Variants in HOXA10 observed in about 807,000 individuals in gnomAD.
The protein encoded by HOXA10 is homeobox protein Hox-A10.
Under a neutral mutation model 29.7 loss-of-function variants are expected in HOXA10, and 12 were observed. That is an observed-to-expected ratio of 0.40 (90% CI 0.26 to 0.65). The LOEUF (loss-of-function observed/expected upper bound fraction) is 0.65, where lower values mean the gene tolerates loss of function less well. Ranked by LOEUF, HOXA10 falls within the 30% of genes least tolerant of loss-of-function variation. HOXA10 has a pLI of 0.37. For synonymous variants in HOXA10, 327 were observed against 280.7 expected (o/e 1.16, Z -1.65); for missense variants, 656 against 585.9 (o/e 1.12, Z -1.24).
rs1783573012 is a variant in HOXA10 at position 27,173,636 on chromosome 7, T to A, written c.671A>T (p.Lys224Met). The A allele has an allele frequency of 6.5e-7, 1 of 1,544,596 alleles. No individual in the cohort carries two copies. The part of the protein sequence containing the change: ...FRLSQAYGTA[K>M]GYGSGGGGAQ... ...GCCGCCGCCGCCGCTGCCATAGCCCTTGGCGGTGCCGTAGGCCTGAGAAAG... is the reference window on the plus strand; with the variant it reads ...GCCGCCGCCGCCGCTGCCATAGCCCATGGCGGTGCCGTAGGCCTGAGAAAG... The change falls in exon 1 of 2, where the codon AAG becomes ATG. Residue 224 changes from lysine (K) to methionine (M), a missense_variant. This residue lies in a region of HOXA10 where 594 missense variants were observed against 491.9 expected (regional missense o/e 1.21). Coordinates refer to ENST00000283921, the MANE Select transcript of HOXA10 (RefSeq NM_018951.4).
chr7:27,178,613 G>A (rs1354876979), upstream of HOXA10, among the ~76,000 whole-genome samples: 3 of 152,216 alleles, frequency 2.0e-5, no homozygotes, highest in African/African-American at 2.4e-5. Flanking sequence ...CTGGGTGGGC[G>A]CTCATTTCTT....
chr7:27,178,606 G>A (rs1051487410), upstream of HOXA10, among the ~76,000 whole-genome samples: 3 of 152,202 alleles, frequency 2.0e-5, no homozygotes, highest in African/African-American at 7.2e-5. Flanking sequence ...CAGCTCACTG[G>A]GTGGGCGCTC....
upstream of HOXA10, among the ~76,000 whole-genome samples, chr7:27,177,165 C>T (rs971952656): frequency 3.9e-5 from 6 of 152,294 alleles, no homozygotes; most frequent in Admixed American, 1.3e-4. Context: ...CTGCCCCAGC[C>T]GAAGAGTAGA....
At chr7:27,172,624 G>T (rs567165241) in intron 1 of HOXA10, 25 of 211,012 alleles carry the variant, frequency 1.2e-4, no homozygotes, top group African/African-American at 5.9e-4. Context: ...CCCAAGACTC[G>T]ATAAGGGGAG....
chr7:27,172,415 T>C, intron 1 of HOXA10: 1 of 582,530 alleles, frequency 1.7e-6, no homozygotes, highest in South Asian at 2.0e-5. Context: ...TCCAAACACC[T>C]GTTTTAGCGC....
upstream of HOXA10, among the ~76,000 whole-genome samples, chr7:27,178,209 T>C (rs1270281737): frequency 1.3e-5 from 2 of 152,068 alleles, no homozygotes; most frequent in Non-Finnish European, 2.9e-5. Context: ...AGAGGAAAAA[T>C]AAAGGCTGCT....
chr7:27,179,503 A>G, intron 1 of HOXA10: 1 of 671,928 alleles, frequency 1.5e-6, no homozygotes, highest in Admixed American at 2.3e-5. Flanking sequence ...CCTGCTTTCC[A>G]ACCTTAGGGA....
At position 27,174,102 on chromosome 7, in the gene HOXA10, C is replaced by T. The variant is rs556571937; in HGVS notation, c.205G>A (p.Ala69Thr). 14 of 1,570,358 alleles carry T rather than the reference C, an allele frequency of 8.9e-6. No individual in the cohort carries two copies. In the South Asian group the frequency reaches 1.1e-4, roughly 13 times the overall value. ...AHGGVYLPPA[A>T]DLPYGLQSCG... ...CTCTGCAGCCCGTAGGGCAGGTCGGCGGCGGGCGGCAGGTAGACCCCGCCG... is the reference window on the plus strand; with the variant it reads ...CTCTGCAGCCCGTAGGGCAGGTCGGTGGCGGGCGGCAGGTAGACCCCGCCG... The change falls in exon 1 of 2, where the codon GCC becomes ACC. Residue 69 changes from alanine (A) to threonine (T), a missense_variant. This residue lies in a region of HOXA10 where 594 missense variants were observed against 491.9 expected (regional missense o/e 1.21). Transcript: ENST00000283921.
In HOXA10 at chr7:27,174,134, T is replaced by C; in HGVS notation, c.173A>G (p.Tyr58Cys). 6.3e-7 allele frequency: 1 copy of C among 1,592,802 alleles called. No homozygotes were observed. The highest frequency in any genetic ancestry group is 8.5e-7 in the Non-Finnish European group (1 of 1,177,700). The change falls in exon 1 of 2, where the codon TAC becomes TGC. Residue 58 changes from tyrosine (Y) to cysteine (C), a missense_variant. By Grantham distance (194) the Tyr-to-Cys change is radical. This residue lies in a region of HOXA10 where 594 missense variants were observed against 491.9 expected (regional missense o/e 1.21). Transcript: ENST00000283921. The part of the protein sequence containing the change: ...GAGGGGGGGY[Y>C]AHGGVYLPPA... ...CGGCAGGTAGACCCCGCCGTGGGCG[T>C]AGTAACCGCCACCGCCGCCGCCCCC...
upstream of HOXA10, chr7:27,174,567 C>A (rs1353251427): frequency 3.1e-5 from 18 of 575,380 alleles, no homozygotes; most frequent in Non-Finnish European, 4.7e-5. Context: ...TGGTGGGGGG[C>A]CTGGCCATTG....
chr7:27,173,380 G>T lies in HOXA10; in HGVS notation c.927C>A (p.Ser309Arg). 1 of 1,611,976 alleles carries T rather than the reference G, an allele frequency of 6.2e-7. No homozygotes were observed. The highest frequency in any genetic ancestry group is 1.7e-4 in the Middle Eastern group (1 of 5,890). ...AEELSPAPSESSKASPEKDSL... is the reference protein window; with the variant it reads ...AEELSPAPSERSKASPEKDSL... ...AATCCTTCTCCGGCGAGGCTTTGCT[G>T]CTCTCGGAAGGGGCCGGGGAGAGCT... The change falls in exon 1 of 2, where the codon AGC becomes AGA. Residue 309 changes from serine to arginine, a missense_variant. Ser to Arg is a moderately radical substitution (Grantham distance 110). Transcript: ENST00000283921.
exon 1 of HOXA10, chr7:27,179,679 A>T: frequency 2.6e-6 from 2 of 778,314 alleles, no homozygotes; most frequent in Non-Finnish European, 4.8e-6. Flanking sequence ...GCCAAGGGAC[A>T]GCTGGCTTCT....
In HOXA10 at chr7:27,174,173, C is replaced by G. The variant is rs1562511386; in HGVS notation, c.134G>C (p.Gly45Ala). The change falls in exon 1 of 2, where the codon GGT (glycine) becomes GCT (alanine). Residue 45 changes from glycine to alanine, a missense_variant. Physicochemically the swap from Gly to Ala is moderately conservative, Grantham distance 60. Around this residue, in one of 2 missense-constraint regions of HOXA10, gnomAD observed 594 missense variants for 491.9 expected, o/e 1.21. Coordinates refer to ENST00000283921, the MANE Select transcript of HOXA10 (RefSeq NM_018951.4). ...ISSGRGEAGG[G>A]GGGAGGGGGG... Reference sequence around the variant, plus strand: ...GCCGCCGCCCCCCGCGCCACCACCACCGCCGCCTGCCTCGCCTCTGCCCGA... The same window carrying G: ...GCCGCCGCCCCCCGCGCCACCACCAGCGCCGCCTGCCTCGCCTCTGCCCGA... 1 of 1,598,404 alleles carries G rather than the reference C, an allele frequency of 6.3e-7. No homozygotes were observed. Among genetic ancestry groups the G allele is most frequent in the Admixed American group, 1.7e-5 (1 of 59,980 alleles).
upstream of HOXA10, among the ~76,000 whole-genome samples, chr7:27,179,309 C>CCTT (rs1183157606): frequency 8.6e-6 from 1 of 116,230 alleles, no homozygotes; most frequent in Non-Finnish European, 1.9e-5. Flanking sequence ...CCCGCGATCA[C>CCTT]CTTTTTTTTT....
At chr7:27,178,042 G>A (rs1208739333), upstream of HOXA10, among the ~76,000 whole-genome samples, 1 of 152,216 alleles carries the variant, frequency 6.6e-6, no homozygotes, top group Non-Finnish European at 1.5e-5. Context: ...GCCCTTGTAA[G>A]CAGTGAGAAA....
upstream of HOXA10, among the ~76,000 whole-genome samples, chr7:27,177,309 T>C (rs1433550791): frequency 2.0e-5 from 3 of 152,190 alleles, no homozygotes; most frequent in African/African-American, 7.2e-5. Context: ...AAACGGGATG[T>C]TGGGCTTGAG....
upstream of HOXA10, among the ~76,000 whole-genome samples, chr7:27,176,614 A>G (rs1783658639): frequency 6.6e-6 from 1 of 152,222 alleles, no homozygotes; most frequent in African/African-American, 2.4e-5. Flanking sequence ...AGTGGGTCCC[A>G]AGACCTTCGA....
Position 27,171,662 on chromosome 7 carries a change from T to C in HOXA10, c.*237A>G, listed in dbSNP as rs1783492808. 3.0e-6 allele frequency: 2 copies of C among 674,558 alleles called. No individual in the cohort carries two copies. Among genetic ancestry groups the C allele is most frequent in the Non-Finnish European group, 2.7e-6 (1 of 368,950 alleles). 41.8% of individuals were successfully genotyped at this position (674,558 alleles called of 1,614,324 possible). On this transcript the variant is annotated 3_prime_UTR_variant, in exon 2 of 2. Transcript: ENST00000283921. ...GACAATATCTATCTCTATAGAATTT[T>C]AGCATGATATGGCTTTTTCCCCCAG...
Position 27,170,966 on chromosome 7 carries a change from A to C in HOXA10, c.*933T>G, listed in dbSNP as rs200308341. The C allele has an allele frequency of 1.3e-5, 6 of 452,748 alleles. No homozygotes were observed. The highest frequency in any genetic ancestry group is 1.0e-4 in the African/African-American group (5 of 49,850). The allele number at this position is 452,748 out of a possible 1,614,324, so 28.0% of individuals were successfully genotyped here. Reference sequence around the variant, plus strand: ...ATTTCAGAAAGCAAAAACAAACAAAAAAAAAACTTTTTGTTCAAGGCGATT... The same window carrying C: ...ATTTCAGAAAGCAAAAACAAACAAACAAAAAACTTTTTGTTCAAGGCGATT... On this transcript the variant is annotated 3_prime_UTR_variant, in exon 2 of 2. Coordinates refer to ENST00000283921, the MANE Select transcript of HOXA10 (RefSeq NM_018951.4).
Sources: allele counts gnomAD v4.1 joint callset (sites outside exome capture counted in the v4.1 genomes callset), GRCh38; gene constraint gnomAD v4.1.1; regional missense constraint gnomAD v4.1.1; transcripts MANE v1.5; gene names NCBI Gene and HGNC (gene_info 2026-07-23, HGNC 2026-07-21).